DDX47: variants seen among roughly 807,000 people sequenced by gnomAD.
DDX47 encodes the protein probable ATP-dependent RNA helicase DDX47.
DDX47 carries 60 observed loss-of-function variants against 58.8 expected under a neutral mutation model. That is an observed-to-expected ratio of 1.02 (90% confidence interval 0.83 to 1.26). DDX47 has a LOEUF of 1.26. DDX47 is among the 50% of genes most tolerant of loss of function. The pLI is 0.00. For synonymous variants in DDX47, 197 were observed against 204.6 expected (o/e 0.96, Z 0.32); for missense variants, 530 against 573.2 (o/e 0.92, Z 0.77).
chr12:12,821,913 T>G (rs946990993), intron 4 of DDX47, 52 bp from the exon 5 acceptor site: 19 of 1,327,218 alleles, frequency 1.4e-5, no homozygotes, highest in Non-Finnish European at 1.8e-5. Flanking sequence ...GTTTTGTTTT[T>G]TTTTTGTCCT....
rs961671770 is a variant in DDX47, at chr12:12,827,388, C to T, written c.1236+13C>T. On this transcript the variant is annotated intron_variant, in intron 11 of 11. Transcript: ENST00000358007. ...GTTTGCCCGAATGGTATGCATCTTTCTTTTCTCACCAGTGTCTGTGCAAAC... is the reference window on the plus strand; with the variant it reads ...GTTTGCCCGAATGGTATGCATCTTTTTTTTCTCACCAGTGTCTGTGCAAAC... 1.9e-6 allele frequency: 3 copies of T among 1,613,678 alleles called. No individual in the cohort carries two copies. The highest frequency in any genetic ancestry group is 2.7e-5 in the African/African-American group (2 of 75,046).
At chr12:12,825,016 C>G (rs561724948) in intron 9 of DDX47, 4 of 178,660 alleles carry the variant, frequency 2.2e-5, no homozygotes, top group African/African-American at 9.5e-5. Context: ...GAGTCTGCAC[C>G]CAGTCTGGAG....
rs763236842 is a variant in DDX47 at position 12,821,711 on chromosome 12, C to T, written c.427C>T (p.Pro143Ser). The change falls in exon 4 of 12, where the codon CCA (proline) becomes TCA (serine). Residue 143 changes from proline to serine, a missense_variant. Physicochemically the swap from Pro to Ser is moderately conservative, Grantham distance 74. Coordinates refer to ENST00000358007, the MANE Select transcript of DDX47 (RefSeq NM_016355.4). ...TCAATCTTTGGCCCTTGCAAAAAAA[C>T]CACATATAATAATAGGTGAGTAACT... ...MSQSLALAKK[P>S]HIIIATPGRL... 1 of 1,612,004 alleles carries T rather than the reference C, an allele frequency of 6.2e-7. No homozygotes were observed. The highest frequency in any genetic ancestry group is 1.7e-5 in the Admixed American group (1 of 60,008).
At chr12:12,829,277 A>C (rs1863096370) in intron 11 of DDX47, 146 bp from the exon 12 acceptor site, 2 of 744,290 alleles carry the variant, frequency 2.7e-6, no homozygotes, top group African/African-American at 3.6e-5. Flanking sequence ...ACATCTTTGT[A>C]TATTTGGAGT....
At position 12,821,249 on chromosome 12, in the gene DDX47, A is replaced by ACAGG. The variant is rs1185462961; in HGVS notation, c.225_228dup (p.Ala77ArgfsTer38). The ACAGG allele has an allele frequency of 6.2e-7, 1 of 1,614,228 alleles. No homozygotes were observed. Among genetic ancestry groups the ACAGG allele is most frequent in the South Asian group, 1.1e-5 (1 of 91,084 alleles). ...GCTTGCAGAAACTGGCTCTGGAAAG[A>ACAGG]CAGGCGCCTTTGCTTTGCCCATTCT... is the stretch of plus-strand genomic sequence containing the variant. On this transcript the variant is annotated frameshift_variant, in exon 3 of 12. Transcript: ENST00000358007. LOFTEE classifies it high-confidence loss of function.
rs1396449069 is a variant in DDX47 at position 12,823,939 on chromosome 12, A to G, written c.820A>G (p.Asn274Asp). The G allele has an allele frequency of 4.3e-6, 7 of 1,614,032 alleles. No individual in the cohort carries two copies. In the Admixed American group the frequency reaches 8.3e-5, roughly 19 times the overall value. Reference sequence around the variant, plus strand: ...CTTTATGATATTCTGCAGCACCTGTAATAATACCCAGAGAACAGCTTTGCT... The same window carrying G: ...CTTTATGATATTCTGCAGCACCTGTGATAATACCCAGAGAACAGCTTTGCT... ...NSFMIFCSTC[N>D]NTQRTALLLR... is the part of the protein sequence containing the mutation. The change falls in exon 8 of 12, where the codon AAT (asparagine) becomes GAT (aspartate). Residue 274 changes from asparagine (N) to aspartate (D), a missense_variant. Transcript: ENST00000358007.
chr12:12,821,457 G>GGAA, intron 3 of DDX47, 61 bp downstream of exon 3: 1 of 1,585,002 alleles, frequency 6.3e-7, no homozygotes, highest in Non-Finnish European at 8.7e-7. Flanking sequence ...TGAGTGTGGA[G>GGAA]GAAGGAGAAT....
At chr12:12,823,112 A>G (rs779747453) in intron 6 of DDX47, 91 bp from the exon 7 acceptor site, 7 of 829,544 alleles carry the variant, frequency 8.4e-6, no homozygotes, top group East Asian at 2.4e-5. Context: ...ACAATTCAAC[A>G]TGAGATTTGG....
At chr12:12,824,509 G>A in intron 8 of DDX47, 31 bp from the exon 9 acceptor site, 1 of 1,593,132 alleles carries the variant, frequency 6.3e-7, no homozygotes, top group Non-Finnish European at 8.5e-7. Context: ...CATAGGTTAA[G>A]TTTTCCAACA....
At chr12:12,828,637 G>A (rs1485367667) in intron 11 of DDX47, among the ~76,000 whole-genome samples, 1 of 152,068 alleles carries the variant, frequency 6.6e-6, no homozygotes, top group Non-Finnish European at 1.5e-5. Context: ...GTGCACATTT[G>A]GTTTTTATTC....
chr12:12,828,604 A>G (rs551624443), intron 11 of DDX47, among the ~76,000 whole-genome samples: 1 of 152,140 alleles, frequency 6.6e-6, no homozygotes, highest in Non-Finnish European at 1.5e-5. Context: ...CTTTGCCCAT[A>G]GTTTGTTTTT....
chr12:12,824,087 T>C (rs1459240245), intron 8 of DDX47, 71 bp downstream of exon 8: 2 of 1,541,024 alleles, frequency 1.3e-6, no homozygotes, highest in Admixed American at 2.0e-5. Flanking sequence ...ACAGTAGGTT[T>C]GTACAATAAG....
intron 2 of DDX47, among the ~76,000 whole-genome samples, chr12:12,816,872 G>A (rs145407430): frequency 5.3e-4 from 80 of 152,304 alleles, no homozygotes; most frequent in African/African-American, 1.9e-3. Context: ...TTGCCCTACA[G>A]TGTAGGTGAG....
chr12:12,826,039 C>G lies in DDX47; in HGVS notation c.1075C>G (p.Arg359Gly), dbSNP rs770311332. The G allele has an allele frequency of 1.2e-6, 2 of 1,613,358 alleles. No individual in the cohort carries two copies. The highest frequency in any genetic ancestry group is 1.7e-6 in the Non-Finnish European group (2 of 1,179,716). Residue 359 changes from arginine (R) to glycine (G), a missense_variant, in exon 10 of 12, where the codon CGC becomes GGC. Arg to Gly is a moderately radical substitution (Grantham distance 125, BLOSUM62 -2). Coordinates refer to ENST00000358007, the MANE Select transcript of DDX47 (RefSeq NM_016355.4). ...AGTAGGTCGAACAGCTAGAGCTGGG[C>G]GCTCCGGAAAGGCTATTACTTTTGT... is the stretch of plus-strand genomic sequence containing the variant. Reference protein sequence around the residue: ...HRVGRTARAGRSGKAITFVTQ... With the variant: ...HRVGRTARAGGSGKAITFVTQ...
intron 3 of DDX47, 36 bp downstream of exon 3, chr12:12,821,432 A>G: frequency 6.2e-7 from 1 of 1,611,046 alleles, no homozygotes; most frequent in Non-Finnish European, 8.5e-7. Flanking sequence ...CTAGGTTGCC[A>G]TCACAAGTGA....
intron 10 of DDX47, among the ~76,000 whole-genome samples, chr12:12,826,591 G>A (rs1863054554): frequency 6.6e-6 from 1 of 151,792 alleles, no homozygotes; most frequent in Admixed American, 6.6e-5. Context: ...GGGACCACAG[G>A]TGCATGCCAG....
At chr12:12,820,470 A>T (rs995632555) in intron 2 of DDX47, 1 of 152,218 alleles carries the variant, frequency 6.6e-6, no homozygotes, top group African/African-American at 2.4e-5. Flanking sequence ...GCCACATTGT[A>T]CTTCTCAGCC....
intron 7 of DDX47, 83 bp from the exon 8 acceptor site, chr12:12,823,787 A>G (rs1863008790): frequency 7.4e-7 from 1 of 1,352,578 alleles, no homozygotes; most frequent in South Asian, 1.4e-5. Context: ...CTATAGGCTT[A>G]GTCTTTACCT....
In DDX47 at chr12:12,823,877, A is replaced by G. The variant is rs757105604; in HGVS notation, c.758A>G (p.Tyr253Cys). The G allele has an allele frequency of 3.1e-6, 5 of 1,613,492 alleles. No individual in the cohort carries two copies. The highest frequency in any genetic ancestry group is 3.3e-5 in the Admixed American group (2 of 59,878). ...IFIPSKFKDTYLVYILNELAG... is the reference protein window; with the variant it reads ...IFIPSKFKDTCLVYILNELAG... ...TTTGGGTTTGTAACTTAGGATACCT[A>G]CCTGGTTTATATTCTAAATGAATTG... The change falls in exon 8 of 12, where the codon TAC becomes TGC. Residue 253 changes from tyrosine to cysteine, a missense_variant. Coordinates refer to ENST00000358007, the MANE Select transcript of DDX47 (RefSeq NM_016355.4).
Sources: gnomAD v4.1 joint callset for allele counts (sites outside exome capture counted in the v4.1 genomes callset) on GRCh38, gnomAD v4.1.1 for gene constraint, MANE v1.5 for transcripts, NCBI Gene and HGNC (gene_info 2026-07-23, HGNC 2026-07-21) for gene names.